Variants in STAMBP observed in about 807,000 individuals in gnomAD.
STAMBP encodes the protein STAM binding protein, also known as STAM-binding protein.
Under a neutral mutation model 50.7 loss-of-function variants are expected in STAMBP, and 31 were observed. The observed-to-expected ratio is 0.61, with a 90% CI of 0.46 to 0.83. The LOEUF is 0.83. STAMBP is among the 40% of genes least tolerant of loss of function. The pLI is 0.00. For synonymous variants in STAMBP, 211 were observed against 192.4 expected (o/e 1.10, Z -0.80); for missense variants, 472 against 518.9 (o/e 0.91, Z 0.88).
intron 2 of STAMBP, among the ~76,000 whole-genome samples, chr2:73,834,298 C>G (rs757246915): frequency 1.1e-3 from 113 of 105,340 alleles, no homozygotes; most frequent in Non-Finnish European, 1.6e-3. Context: ...AAGTTTTTGA[C>G]TCCCCAGAAA....
At chr2:73,853,758 C>T (rs549170403) in intron 7 of STAMBP, among the ~76,000 whole-genome samples, 2 of 152,102 alleles carry the variant, frequency 1.3e-5, no homozygotes, top group Non-Finnish European at 2.9e-5. Context: ...TTTAACAAAT[C>T]ATTAAGCAAA....
chr2:73,860,275 T>C (rs1357177994), intron 9 of STAMBP, 124 bp downstream of exon 9: 1 of 761,174 alleles, frequency 1.3e-6, no homozygotes, highest in African/African-American at 1.8e-5. Context: ...CCTTGCCAGA[T>C]CTCCATAATA....
intron 2 of STAMBP, among the ~76,000 whole-genome samples, chr2:73,832,084 C>T (rs111463385): frequency 0.016 from 1,907 of 118,360 alleles, 108 homozygotes; most frequent in African/African-American, 0.065. Context: ...GAGTAGGTAA[C>T]ATATATATAT....
At position 73,837,584 on chromosome 2, in the gene STAMBP, CAAAAAAAAAAA is replaced by C. The variant is rs56397494; in HGVS notation, c.203+6543_203+6553del. Among the ~76,000 whole-genome samples the C allele has an allele frequency of 2.9e-4, 12 of 40,912 alleles. No individual in the cohort carries two copies. In the South Asian group the frequency reaches 6.1e-3, roughly 21 times the overall value. The allele number at this position is 40,912 out of a possible 152,430, so 26.8% of individuals were successfully genotyped here. A position where few individuals can be genotyped will look rare whatever the true frequency, so the allele number is the denominator to read the frequency against. ...TGGGCAACAGAGCGAGACTCCATCTCAAAAAAAAAAAAAAAAAAAAAAAAAAAAGAACACAT... is the reference window on the plus strand; with the variant it reads ...TGGGCAACAGAGCGAGACTCCATCTCAAAAAAAAAAAAAAAAAGAACACAT... On this transcript the variant is annotated intron_variant, in intron 2 of 9. Coordinates refer to ENST00000394070, the MANE Select transcript of STAMBP (RefSeq NM_213622.4).
intron 7 of STAMBP, among the ~76,000 whole-genome samples, chr2:73,856,925 C>T (rs772346177): frequency 1.6e-4 from 24 of 152,124 alleles, no homozygotes; most frequent in Non-Finnish European, 3.4e-4. Context: ...AGTTCTCACA[C>T]CCCACAAGAC....
At position 73,866,670 on chromosome 2, in the gene STAMBP, C is replaced by G. The variant is rs1460260546; in HGVS notation, c.*4411C>G. 1.3e-5 allele frequency: 2 copies of G among 152,212 alleles called. No homozygotes were observed. Among genetic ancestry groups the G allele is most frequent in the South Asian group, 2.1e-4 (1 of 4,828 alleles). 9.4% of individuals were successfully genotyped at this position (152,212 alleles called of 1,614,324 possible). On this transcript the variant is annotated 3_prime_UTR_variant, in exon 10 of 10. Transcript: ENST00000394070. ...CTGTGCTGCACTTGAGCTTTCTTTCCAGCCGCCAGGAGGGATGGTTGTCCT... is the reference window on the plus strand; with the variant it reads ...CTGTGCTGCACTTGAGCTTTCTTTCGAGCCGCCAGGAGGGATGGTTGTCCT...
At chr2:73,854,140 CAG>C (rs902805121) in intron 7 of STAMBP, among the ~76,000 whole-genome samples, 1 of 152,170 alleles carries the variant, frequency 6.6e-6, no homozygotes, top group Admixed American at 6.5e-5. Flanking sequence ...TTCATCTTCA[CAG>C]GGGGAAAAAC....
chr2:73,833,003 A>G (rs1189488962), intron 2 of STAMBP, among the ~76,000 whole-genome samples: 2 of 152,246 alleles, frequency 1.3e-5, no homozygotes, highest in East Asian at 3.8e-4. Context: ...ATCCAGTAGA[A>G]AAAGGTTCAG....
In STAMBP at chr2:73,831,040, C is replaced by T. The variant is rs1160098216; in HGVS notation, c.184C>T (p.Leu62Phe). The T allele has an allele frequency of 2.5e-6, 4 of 1,614,060 alleles. No individual in the cohort carries two copies. Among genetic ancestry groups the T allele is most frequent in the Middle Eastern group, 1.7e-4 (1 of 6,060 alleles). ...AGGCAACATTGAACATGCCTTCATC[C>T]TCTATAACAAGTATATCACGTAAGA... ...EEGNIEHAFI[L>F]YNKYITLFIE... The change falls in exon 2 of 10, where the codon CTC becomes TTC. Residue 62 changes from leucine (L) to phenylalanine (F), a missense_variant. Leu to Phe is a conservative substitution (Grantham distance 22). Coordinates refer to ENST00000394070, the MANE Select transcript of STAMBP (RefSeq NM_213622.4).
chr2:73,833,326 C>A (rs1181581247), intron 2 of STAMBP, among the ~76,000 whole-genome samples: 1 of 152,210 alleles, frequency 6.6e-6, no homozygotes, highest in African/African-American at 2.4e-5. Context: ...TAACTTAACA[C>A]CTGTTTCCTT....
intron 2 of STAMBP, among the ~76,000 whole-genome samples, chr2:73,843,406 G>GTATATGTATATATATATA (rs1553380272): frequency 7.7e-6 from 1 of 129,962 alleles, no homozygotes. Flanking sequence ...GTTTGTGTAT[G>GTATATGTATATATATATA]TATATATATA....
chr2:73,846,746 CTG>C (rs1386118486), intron 4 of STAMBP, among the ~76,000 whole-genome samples: 1 of 151,920 alleles, frequency 6.6e-6, no homozygotes, highest in Non-Finnish European at 1.5e-5. Flanking sequence ...AAGAATAAAA[CTG>C]TCTGTGATAC....
Position 73,862,276 on chromosome 2 carries a change from C to A in STAMBP, c.*17C>A. The A allele has an allele frequency of 1.9e-6, 3 of 1,606,128 alleles. No individual in the cohort carries two copies. The highest frequency in any genetic ancestry group is 2.5e-6 in the Non-Finnish European group (3 of 1,176,942). ...CTTCGATGAGCGTTTGAGTCCAACA[C>A]CTTCCAAGAACAACAAAACCATATC... On this transcript the variant is annotated 3_prime_UTR_variant, in exon 10 of 10. Transcript: ENST00000394070.
At chr2:73,840,547 C>T (rs1470153323) in intron 2 of STAMBP, among the ~76,000 whole-genome samples, 1 of 151,606 alleles carries the variant, frequency 6.6e-6, no homozygotes, top group Non-Finnish European at 1.5e-5. Flanking sequence ...AGTTGGAGAC[C>T]AGCCTGGTCA....
chr2:73,859,820 T>C (rs1317885067), intron 8 of STAMBP, among the ~76,000 whole-genome samples: 3 of 152,150 alleles, frequency 2.0e-5, no homozygotes, highest in African/African-American at 7.2e-5. Context: ...CCACTTTGAT[T>C]ATTTACTATG....
At position 73,857,172 on chromosome 2, in the gene STAMBP, C is replaced by T. The variant is rs1485232765; in HGVS notation, c.1006-2082C>T. Among the ~76,000 whole-genome samples, 4 of 152,162 alleles carry T rather than the reference C, an allele frequency of 2.6e-5. No individual in the cohort carries two copies. In the East Asian group the frequency reaches 7.7e-4, roughly 29 times the overall value. The stretch of plus-strand genomic sequence containing the variant: ...ACAGTATCTTTCCCCGATGATGCCC[C>T]AGATGGAAGGTTTGAGTTCTGTCCC... On this transcript the variant is annotated intron_variant, in intron 7 of 9. Transcript: ENST00000394070.
chr2:73,854,263 A>G (rs1014752908), intron 7 of STAMBP, among the ~76,000 whole-genome samples: 2 of 152,322 alleles, frequency 1.3e-5, no homozygotes, highest in African/African-American at 2.4e-5. Context: ...CTTGACCTCA[A>G]TAAGGTTGGA....
chr2:73,841,142 A>G (rs527663474), intron 2 of STAMBP, among the ~76,000 whole-genome samples: 1 of 152,080 alleles, frequency 6.6e-6, no homozygotes, highest in Non-Finnish European at 1.5e-5. Flanking sequence ...TTGCAATCAT[A>G]TCTTTGTTTG....
At chr2:73,838,066 G>A (rs1170718803) in intron 2 of STAMBP, among the ~76,000 whole-genome samples, 1 of 152,212 alleles carries the variant, frequency 6.6e-6, no homozygotes. Flanking sequence ...ATCTTCATAA[G>A]CAATTTCGCT....
Sources: allele counts gnomAD v4.1 joint callset (sites outside exome capture counted in the v4.1 genomes callset), GRCh38; gene constraint gnomAD v4.1.1; transcripts MANE v1.5; gene names NCBI Gene and HGNC (gene_info 2026-07-23, HGNC 2026-07-21).